The following MMP16 variants were observed in gnomAD, a reference collection of about 807,000 sequenced individuals.
MMP16 encodes the protein matrix metallopeptidase 16, also known as matrix metalloproteinase-16.
A neutral mutation model predicts 67.8 loss-of-function variants in MMP16; 12 were observed. That is an observed-to-expected ratio of 0.18 (90% CI 0.11 to 0.29). The LOEUF (loss-of-function observed/expected upper bound fraction) is 0.29, where lower values mean the gene tolerates loss of function less well. Ranked by LOEUF, MMP16 falls within the 10% of genes least tolerant of loss-of-function variation. The pLI is 1.00. For missense variants in MMP16, 475 were observed against 765.7 expected, an observed-to-expected ratio of 0.62 and a Z score of 4.48; for synonymous variants, 249 against 255.9, an observed-to-expected ratio of 0.97 and a Z score of 0.26.
chr8:88,097,822 A>G (rs1809056287), intron 6 of MMP16, among the ~76,000 whole-genome samples: 1 of 151,824 alleles, frequency 6.6e-6, no homozygotes, highest in Non-Finnish European at 1.5e-5. Flanking sequence ...TTAATTTTTC[A>G]AAGAATAAAT....
intron 1 of MMP16, among the ~76,000 whole-genome samples, chr8:88,287,216 G>C (rs1178519126): frequency 1.3e-5 from 2 of 152,060 alleles, no homozygotes; most frequent in Admixed American, 1.3e-4. Context: ...CTTACAACCA[G>C]TTAAGAGTCT....
Position 88,179,763 on chromosome 8 carries a change from C to T in MMP16, c.404+6713G>A, listed in dbSNP as rs1230646685. On this transcript the variant is annotated intron_variant, in intron 3 of 9. Coordinates refer to ENST00000286614, the MANE Select transcript of MMP16 (RefSeq NM_005941.5). ...GTTATGTGAAAGTAGACTTAGATTA[C>T]TTGCACATGTATATTGCAAGCCCCA... Among the ~76,000 whole-genome samples, 3 of 152,202 alleles carry T rather than the reference C, an allele frequency of 2.0e-5. No homozygotes were observed. In the East Asian group the frequency reaches 5.8e-4, roughly 29 times the overall value.
chr8:88,183,947 T>C (rs1348211112), intron 3 of MMP16, among the ~76,000 whole-genome samples: 1 of 151,918 alleles, frequency 6.6e-6, no homozygotes, highest in Non-Finnish European at 1.5e-5. Context: ...GGTTTCTCCA[T>C]GTTGGCCAGG....
At chr8:88,067,308 T>A (rs1220149852) in intron 7 of MMP16, among the ~76,000 whole-genome samples, 1 of 152,136 alleles carries the variant, frequency 6.6e-6, no homozygotes, top group African/African-American at 2.4e-5. Context: ...ATAATCAACA[T>A]GCTCTGGAAC....
chr8:88,061,978 T>C (rs191669042), intron 7 of MMP16, among the ~76,000 whole-genome samples: 65 of 152,188 alleles, frequency 4.3e-4, no homozygotes, highest in Non-Finnish European at 8.5e-4. Context: ...AGTAAACATT[T>C]GCTATAAAGT....
chr8:88,220,903 C>A (rs186451396), intron 1 of MMP16, among the ~76,000 whole-genome samples: 1 of 152,124 alleles, frequency 6.6e-6, no homozygotes, highest in African/African-American at 2.4e-5. Context: ...CTCCTGAAAC[C>A]CTACTAAATT....
intron 1 of MMP16, among the ~76,000 whole-genome samples, chr8:88,279,418 C>A (rs1810698506): frequency 6.6e-6 from 1 of 152,038 alleles, no homozygotes; most frequent in Non-Finnish European, 1.5e-5. Context: ...CATTCTATTT[C>A]TTTTGGTCAG....
At chr8:88,061,519 C>T (rs1452641071) in intron 7 of MMP16, among the ~76,000 whole-genome samples, 1 of 151,968 alleles carries the variant, frequency 6.6e-6, no homozygotes, top group Non-Finnish European at 1.5e-5. Flanking sequence ...CCTTTTGCAG[C>T]TCCTAAATTT....
intron 1 of MMP16, among the ~76,000 whole-genome samples, chr8:88,286,635 G>A (rs1159017442): frequency 1.3e-5 from 2 of 151,894 alleles, no homozygotes; most frequent in African/African-American, 4.8e-5. Context: ...GAGTGCAGTG[G>A]CGCGATCTTT....
intron 7 of MMP16, among the ~76,000 whole-genome samples, chr8:88,072,360 C>T (rs1384632474): frequency 6.6e-6 from 1 of 151,914 alleles, no homozygotes; most frequent in African/African-American, 2.4e-5. Flanking sequence ...CTGGGAACAC[C>T]CAGAACTTCT....
Position 88,124,732 on chromosome 8 carries a change from C to A in MMP16, c.710-5871G>T, listed in dbSNP as rs115765364. On this transcript the variant is annotated intron_variant, in intron 4 of 9. Transcript: ENST00000286614. The stretch of plus-strand genomic sequence containing the variant: ...TTTTAGTCTGTCCTGGATGCCATAA[C>A]AAAATACCACATACTGCGTGGCTTA... 7.7e-3 allele frequency among the ~76,000 whole-genome samples: 1,174 copies of A among 151,986 alleles called. 12 individuals carry two copies. Among genetic ancestry groups the A allele is most frequent in the African/African-American group, 0.027 (1,122 of 41,504 alleles).
At chr8:88,268,763 T>G (rs1810519091) in intron 1 of MMP16, among the ~76,000 whole-genome samples, 1 of 152,318 alleles carries the variant, frequency 6.6e-6, no homozygotes, top group East Asian at 1.9e-4. Context: ...CTGTGTGTGT[T>G]CCCCCTTATA....
Position 88,305,122 on chromosome 8 carries a change from C to CA in MMP16, c.132+21952dup, listed in dbSNP as rs530268805. ...GAAAATTTACCAAACAAATGGAAAA[C>CA]AAAAAAAGCAGGGATTGCAATCTTG... is the stretch of plus-strand genomic sequence containing the variant. On this transcript the variant is annotated intron_variant, in intron 1 of 9. Coordinates refer to ENST00000286614, the MANE Select transcript of MMP16 (RefSeq NM_005941.5). 1.5e-3 allele frequency among the ~76,000 whole-genome samples: 222 copies of CA among 151,840 alleles called. 1 individual carries two copies. The highest frequency in any genetic ancestry group is 2.7e-3 in the Non-Finnish European group (185 of 67,856).
rs1266192468 is a variant in MMP16 at position 88,036,069 on chromosome 8, T to C, written c.*5392A>G. On this transcript the variant is annotated 3_prime_UTR_variant, in exon 10 of 10. Coordinates refer to ENST00000286614, the MANE Select transcript of MMP16 (RefSeq NM_005941.5). ...GTCTTAGATTACATGAGTATTGAGGTAAATTTCTATTTCAGGGAAATGGCT... is the reference window on the plus strand; with the variant it reads ...GTCTTAGATTACATGAGTATTGAGGCAAATTTCTATTTCAGGGAAATGGCT... 6.6e-6 allele frequency: 1 copy of C among 151,914 alleles called. No individual in the cohort carries two copies. Among genetic ancestry groups the C allele is most frequent in the East Asian group, 1.9e-4 (1 of 5,188 alleles). 9.4% of individuals were successfully genotyped at this position (151,914 alleles called of 1,614,324 possible).
chr8:88,193,514 G>T (rs1018351011), intron 2 of MMP16, among the ~76,000 whole-genome samples: 5 of 152,008 alleles, frequency 3.3e-5, no homozygotes, highest in African/African-American at 1.2e-4. Context: ...ATGAATAAGA[G>T]ATAGTAGTAA....
At chr8:88,261,574 A>C in intron 1 of MMP16, among the ~76,000 whole-genome samples, 1 of 151,180 alleles carries the variant, frequency 6.6e-6, no homozygotes, top group South Asian at 2.1e-4. Flanking sequence ...CTCAATTAAA[A>C]CTCCTCCCCT....
intron 3 of MMP16, among the ~76,000 whole-genome samples, chr8:88,182,315 T>C (rs1451545964): frequency 2.0e-5 from 3 of 152,182 alleles, no homozygotes; most frequent in South Asian, 2.1e-4. Context: ...AGTTAAAAAT[T>C]GATAGATCTC....
chr8:88,115,479 C>T (rs1296024420), intron 6 of MMP16, among the ~76,000 whole-genome samples: 1 of 151,838 alleles, frequency 6.6e-6, no homozygotes, highest in Admixed American at 6.6e-5. Flanking sequence ...AAGCATGATG[C>T]TTTTATGCAT....
intron 1 of MMP16, among the ~76,000 whole-genome samples, chr8:88,303,218 C>T (rs918925926): frequency 6.6e-5 from 10 of 152,160 alleles, no homozygotes; most frequent in African/African-American, 1.9e-4. Context: ...CAGGCAGCGT[C>T]GTTTTAAGGG....
Sources: gnomAD v4.1 joint callset for allele counts (sites outside exome capture counted in the v4.1 genomes callset) on GRCh38, gnomAD v4.1.1 for gene constraint, MANE v1.5 for transcripts, NCBI Gene and HGNC (gene_info 2026-07-23, HGNC 2026-07-21) for gene names.